Variants in PPP2R5E observed in about 807,000 individuals in gnomAD.
The protein encoded by PPP2R5E is protein phosphatase 2 regulatory subunit B'epsilon, also known as serine/threonine-protein phosphatase 2A 56 kDa regulatory subunit epsilon isoform.
In PPP2R5E, 4 loss-of-function variants were observed where a neutral mutation model predicts 65.3. That is an observed-to-expected ratio of 0.06 (90% CI 0.03 to 0.14). The LOEUF (loss-of-function observed/expected upper bound fraction) is 0.14, where lower values mean the gene tolerates loss of function less well. Ranked by LOEUF, PPP2R5E falls within the 10% of genes least tolerant of loss-of-function variation. The pLI is 1.00. For missense variants in PPP2R5E, 274 were observed against 556.1 expected (o/e 0.49, Z 5.10); for synonymous variants, 183 against 187.4 (o/e 0.98, Z 0.19).
At chr14:63,381,477 G>A (rs1044605683) in intron 13 of PPP2R5E, among the ~76,000 whole-genome samples, 6 of 152,196 alleles carry the variant, frequency 3.9e-5, no homozygotes, top group Non-Finnish European at 8.8e-5. Context: ...CCAGTTAAAT[G>A]CTGGGCTCTT....
intron 2 of PPP2R5E, among the ~76,000 whole-genome samples, chr14:63,513,829 G>A (rs1456600099): frequency 1.3e-5 from 2 of 152,296 alleles, no homozygotes. Context: ...GGGCCTCTGA[G>A]CTGATATGAA....
intron 4 of PPP2R5E, 87 bp from the exon 5 acceptor site, chr14:63,415,319 T>C (rs1886633166): frequency 1.2e-6 from 1 of 854,620 alleles, no homozygotes; most frequent in Non-Finnish European, 1.8e-6. Context: ...ACACTAAAAG[T>C]GACAGGGCTT....
At chr14:63,533,922 G>C (rs1331523987) in intron 2 of PPP2R5E, among the ~76,000 whole-genome samples, 1 of 152,216 alleles carries the variant, frequency 6.6e-6, no homozygotes, top group African/African-American at 2.4e-5. Flanking sequence ...ACTCCAGCCT[G>C]GGTGACAGAG....
intron 3 of PPP2R5E, among the ~76,000 whole-genome samples, chr14:63,449,481 G>A (rs943990770): frequency 1.8e-4 from 28 of 152,126 alleles, no homozygotes; most frequent in African/African-American, 6.8e-4. Context: ...CCCAAAGACA[G>A]GTATTACACA....
At chr14:63,439,907 C>T (rs1049724227) in intron 3 of PPP2R5E, among the ~76,000 whole-genome samples, 3 of 152,244 alleles carry the variant, frequency 2.0e-5, no homozygotes, top group Admixed American at 6.5e-5. Flanking sequence ...AGTTCAAATA[C>T]ACACAAACAG....
chr14:63,382,325 T>A (rs1884411800), intron 12 of PPP2R5E, among the ~76,000 whole-genome samples, 168 bp from the exon 13 acceptor site: 1 of 151,762 alleles, frequency 6.6e-6, no homozygotes, highest in African/African-American at 2.4e-5. Context: ...CATTTCCACA[T>A]CAAGAGATTT....
intron 8 of PPP2R5E, 70 bp from the exon 9 acceptor site, chr14:63,392,095 TA>T (rs1885056628): frequency 8.5e-7 from 1 of 1,177,464 alleles, no homozygotes; most frequent in Non-Finnish European, 1.2e-6. Flanking sequence ...GATACACTAT[TA>T]AAACTTCCTA....
rs2139746189 is a variant in PPP2R5E, at chr14:63,382,058, C to G, written c.1302G>C (p.Gln434His). ...ELTATYKSDR[Q>H]REKKKEKERE... ...ACAAAAAAGCTTTAAAAAGTTACCG[C>G]TGACGATCTGACTTGTATGTGGCTG... Residue 434 changes from glutamine to histidine, a missense_variant and splice_region_variant, in exon 13 of 14, where the codon CAG (glutamine) becomes CAC (histidine). Around this residue, in one of 6 missense-constraint regions of PPP2R5E, gnomAD observed 129 missense variants for 254.9 expected, o/e 0.51. Transcript: ENST00000337537. 2.5e-6 allele frequency: 4 copies of G among 1,610,072 alleles called. No homozygotes were observed. In the East Asian group the frequency reaches 8.9e-5, roughly 36 times the overall value.
intron 2 of PPP2R5E, among the ~76,000 whole-genome samples, chr14:63,515,029 CTG>C (rs1892610716): frequency 6.6e-6 from 1 of 152,158 alleles, no homozygotes; most frequent in Non-Finnish European, 1.5e-5. Flanking sequence ...TGCAATATCT[CTG>C]TGTCTTTATC....
At chr14:63,494,823 G>A (rs1178611025) in intron 2 of PPP2R5E, among the ~76,000 whole-genome samples, 1 of 151,998 alleles carries the variant, frequency 6.6e-6, no homozygotes, top group African/African-American at 2.4e-5. Context: ...CTTGAGCCCA[G>A]GGGGCGGAGG....
intron 2 of PPP2R5E, among the ~76,000 whole-genome samples, chr14:63,492,502 C>T (rs556573104): frequency 3.3e-5 from 5 of 152,176 alleles, no homozygotes; most frequent in African/African-American, 1.2e-4. Flanking sequence ...TTTAAAGGGT[C>T]ATAACAGGTT....
At chr14:63,448,441 C>A (rs907111620) in intron 3 of PPP2R5E, among the ~76,000 whole-genome samples, 5 of 152,064 alleles carry the variant, frequency 3.3e-5, no homozygotes, top group Non-Finnish European at 7.4e-5. Flanking sequence ...ATGAAAGGGG[C>A]ATATGCTGTT....
At position 63,513,733 on chromosome 14, in the gene PPP2R5E, T is replaced by C. The variant is rs186088864; in HGVS notation, c.157+25796A>G. Among the ~76,000 whole-genome samples the C allele has an allele frequency of 7.5e-4, 114 of 152,292 alleles. No homozygotes were observed. In the Middle Eastern group the frequency reaches 0.014, roughly 18 times the overall value. ...AAAATAAAGAGAGCCTGGGTGTCCA[T>C]CTGAGTGGAAGGGAAACTACACAGA... On this transcript the variant is annotated intron_variant, in intron 2 of 13. Coordinates refer to ENST00000337537, the MANE Select transcript of PPP2R5E (RefSeq NM_006246.5).
rs1198980361 is a variant in PPP2R5E at position 63,384,455 on chromosome 14, T to C, written c.1191A>G (p.Glu397=). The C allele has an allele frequency of 6.2e-7, 1 of 1,613,150 alleles. No individual in the cohort carries two copies. Among genetic ancestry groups the C allele is most frequent in the Non-Finnish European group, 8.5e-7 (1 of 1,179,718 alleles). The change falls in exon 12 of 14, where the codon GAA becomes GAG. Residue 397 remains glutamate, a synonymous_variant. Transcript: ENST00000337537. ...AACTGAAAACCTACGGATTCCAATG[T>C]TCTTTTGAAATCCTATAAAGGCTGG... is the stretch of plus-strand genomic sequence containing the variant. ...MFSSLYRISK[E]HWNPAIVALV...
intron 2 of PPP2R5E, among the ~76,000 whole-genome samples, chr14:63,467,060 A>G (rs886214167): frequency 2.0e-5 from 3 of 151,888 alleles, no homozygotes; most frequent in African/African-American, 4.8e-5. Context: ...CCCCGTCTCT[A>G]CTAAAAATAC....
At chr14:63,417,597 C>T (rs566876428) in intron 4 of PPP2R5E, among the ~76,000 whole-genome samples, 1 of 152,074 alleles carries the variant, frequency 6.6e-6, no homozygotes, top group East Asian at 1.9e-4. Flanking sequence ...TGTTACTATG[C>T]ATACTTCCCA....
At chr14:63,394,069 C>CCT in intron 7 of PPP2R5E, 141 bp from the exon 8 acceptor site, 1 of 306,674 alleles carries the variant, frequency 3.3e-6, no homozygotes. Context: ...TTCAGAATTT[C>CCT]CTTTTTTTTT....
intron 5 of PPP2R5E, among the ~76,000 whole-genome samples, chr14:63,408,859 C>T (rs1480529253): frequency 6.6e-6 from 1 of 152,146 alleles, no homozygotes; most frequent in Admixed American, 6.5e-5. Context: ...CTTTGGGAGG[C>T]CAAGGTGGGC....
intron 3 of PPP2R5E, among the ~76,000 whole-genome samples, chr14:63,429,123 T>G (rs972621805): frequency 2.6e-5 from 4 of 152,240 alleles, no homozygotes; most frequent in Non-Finnish European, 2.9e-5. Flanking sequence ...GGGCATGTAA[T>G]GTGATCAGGG....
Sources: gnomAD v4.1 joint callset for allele counts (sites outside exome capture counted in the v4.1 genomes callset) on GRCh38, gnomAD v4.1.1 for gene constraint, gnomAD v4.1.1 regional missense constraint, MANE v1.5 for transcripts, NCBI Gene and HGNC (gene_info 2026-07-23, HGNC 2026-07-21) for gene names.